Variants in PKP2 observed in about 807,000 individuals in gnomAD.
PKP2 encodes the protein plakophilin 2, also known as plakophilin-2.
PKP2 carries 73 observed loss-of-function variants against 83.4 expected under a neutral mutation model. That is an observed-to-expected ratio of 0.88 (90% CI 0.72 to 1.06). The LOEUF is 1.06. PKP2 is among the 50% of genes least tolerant of loss of function. PKP2 has a pLI of 0.00. For missense variants in PKP2, 966 were observed against 1,065.4 expected, an observed-to-expected ratio of 0.91 and a Z score of 1.30; for synonymous variants, 409 against 430.4, an observed-to-expected ratio of 0.95 and a Z score of 0.62.
intron 4 of PKP2, among the ~76,000 whole-genome samples, chr12:32,866,651 T>C (rs1956852135): frequency 2.7e-5 from 4 of 148,804 alleles, no homozygotes; most frequent in African/African-American, 7.4e-5. Flanking sequence ...ACTTACAGGC[T>C]AACATTAAGG....
chr12:32,881,070 A>C (rs923848200), intron 1 of PKP2, among the ~76,000 whole-genome samples: 1 of 152,212 alleles, frequency 6.6e-6, no homozygotes, highest in Non-Finnish European at 1.5e-5. Flanking sequence ...AAAATTTCAA[A>C]ATACTGATGA....
chr12:32,819,289 AATACAATAC>A (rs1565579753), intron 9 of PKP2, among the ~76,000 whole-genome samples: 4,431 of 145,882 alleles, frequency 0.03, 141 homozygotes, highest in African/African-American at 0.045. Context: ...AAATAAATAC[AATACAATAC>A]AATACAATAC....
At chr12:32,839,953 G>A (rs35643275) in intron 6 of PKP2, among the ~76,000 whole-genome samples, 2 of 152,132 alleles carry the variant, frequency 1.3e-5, no homozygotes, top group South Asian at 2.1e-4. Flanking sequence ...CAGCTCACTC[G>A]ACACCTCTTT....
chr12:32,810,937 TCCC>T (rs1475070384), intron 9 of PKP2, among the ~76,000 whole-genome samples: 4 of 143,784 alleles, frequency 2.8e-5, no homozygotes, highest in East Asian at 2.1e-4. Context: ...CGCCTCGGCC[TCCC>T]AAAGTGCTGG....
At chr12:32,867,680 T>C (rs1449764319) in intron 4 of PKP2, among the ~76,000 whole-genome samples, 2 of 152,246 alleles carry the variant, frequency 1.3e-5, no homozygotes, top group African/African-American at 4.8e-5. Context: ...TGATTTCATG[T>C]TTTAAAAAGG....
chr12:32,889,215 G>A (rs1236596941), intron 1 of PKP2, among the ~76,000 whole-genome samples: 2 of 152,220 alleles, frequency 1.3e-5, no homozygotes, highest in East Asian at 1.9e-4. Context: ...TGTGTGTTTG[G>A]TGGGGAGCAA....
chr12:32,864,383 ATAC>A (rs1405298691), intron 4 of PKP2, among the ~76,000 whole-genome samples: 1 of 150,260 alleles, frequency 6.7e-6, no homozygotes, highest in Non-Finnish European at 1.5e-5. Flanking sequence ...TCTATTCTAT[ATAC>A]TAGCAATGAA....
chr12:32,889,057 T>C (rs1957055781), intron 1 of PKP2, among the ~76,000 whole-genome samples: 1 of 152,190 alleles, frequency 6.6e-6, no homozygotes, highest in Non-Finnish European at 1.5e-5. Context: ...CTCACAATTA[T>C]CAAATTCTTT....
At chr12:32,808,631 G>A (rs1257605277) in intron 9 of PKP2, among the ~76,000 whole-genome samples, 1 of 152,162 alleles carries the variant, frequency 6.6e-6, no homozygotes, top group Non-Finnish European at 1.5e-5. Flanking sequence ...CAGCGTTTTT[G>A]CATTGATTCT....
chr12:32,818,409 C>T (rs1465088392), intron 9 of PKP2, among the ~76,000 whole-genome samples: 7 of 151,960 alleles, frequency 4.6e-5, no homozygotes, highest in African/African-American at 1.2e-4. Flanking sequence ...TGCAGTGAGC[C>T]GAGACTGTGC....
chr12:32,828,234 T>A (rs1206776864), intron 6 of PKP2, among the ~76,000 whole-genome samples: 1 of 152,214 alleles, frequency 6.6e-6, no homozygotes, highest in Admixed American at 6.5e-5. Flanking sequence ...TCAGGTGTTT[T>A]ATCAGAAAGC....
intron 1 of PKP2, chr12:32,893,201 G>C (rs1202603922): frequency 1.3e-5 from 2 of 152,194 alleles, no homozygotes; most frequent in African/African-American, 4.8e-5. Flanking sequence ...GCTTTCAGCA[G>C]GTTATCCGCT....
chr12:32,855,359 A>G (rs1355892695), intron 4 of PKP2, among the ~76,000 whole-genome samples: 3 of 152,214 alleles, frequency 2.0e-5, no homozygotes, highest in South Asian at 2.1e-4. Context: ...GTGTAAGATG[A>G]GCAGTTACAT....
chr12:32,872,210 A>G (rs1040747349), intron 3 of PKP2, among the ~76,000 whole-genome samples: 21 of 152,308 alleles, frequency 1.4e-4, no homozygotes, highest in Non-Finnish European at 2.2e-4. Context: ...ACTGGTCAGA[A>G]TACGAGACAT....
At chr12:32,863,377 C>T (rs1956818094) in intron 4 of PKP2, 1 of 265,326 alleles carries the variant, frequency 3.8e-6, no homozygotes, top group Non-Finnish European at 7.9e-6. Context: ...CCGAAGCAAT[C>T]TTCCTGCTAG....
At chr12:32,886,495 G>T (rs537396597) in intron 1 of PKP2, among the ~76,000 whole-genome samples, 1 of 152,268 alleles carries the variant, frequency 6.6e-6, no homozygotes, top group East Asian at 1.9e-4. Context: ...TCCTGAGTTG[G>T]TGAAGGAATT....
At chr12:32,861,667 T>G (rs1956799296) in intron 4 of PKP2, among the ~76,000 whole-genome samples, 2 of 152,116 alleles carry the variant, frequency 1.3e-5, no homozygotes, top group Non-Finnish European at 2.9e-5. Context: ...AAAGTAGAAA[T>G]TCACAAATCT....
At chr12:32,887,999 G>A (rs1285093720) in intron 1 of PKP2, among the ~76,000 whole-genome samples, 1 of 151,982 alleles carries the variant, frequency 6.6e-6, no homozygotes, top group Non-Finnish European at 1.5e-5. Context: ...GGGCAAAAAG[G>A]CAAAACCCCA....
chr12:32,799,231 G>A (rs1197386353), intron 10 of PKP2, among the ~76,000 whole-genome samples: 1 of 152,140 alleles, frequency 6.6e-6, no homozygotes, highest in Non-Finnish European at 1.5e-5. Context: ...AAAGCACAAT[G>A]AGATACCACC....
Sources: gnomAD v4.1 joint callset for allele counts (sites outside exome capture counted in the v4.1 genomes callset) on GRCh38, gnomAD v4.1.1 for gene constraint, MANE v1.5 for transcripts, NCBI Gene and HGNC (gene_info 2026-07-23, HGNC 2026-07-21) for gene names.